Variants in SND1 observed in about 807,000 individuals in gnomAD.
SND1 encodes the protein staphylococcal nuclease domain-containing protein 1.
Under a neutral mutation model 121.7 loss-of-function variants are expected in SND1, and 38 were observed. The ratio of observed to expected loss-of-function variants is 0.31; its 90% confidence interval spans 0.24 to 0.41. SND1 has a LOEUF of 0.41. Ranked by LOEUF, SND1 falls within the 10% of genes least tolerant of loss-of-function variation. The pLI, the probability that SND1 is intolerant of heterozygous loss-of-function variation, is 1.00. For synonymous variants in SND1, 401 were observed against 447.4 expected, an observed-to-expected ratio of 0.90 and a Z score of 1.31; for missense variants, 868 against 1,184.6, an observed-to-expected ratio of 0.73 and a Z score of 3.92.
chr7:127,821,413 C>A (rs325445), intron 11 of SND1, among the ~76,000 whole-genome samples: 101,848 of 151,980 alleles, frequency 0.67, 35,022 homozygotes, highest in East Asian at 0.92. Flanking sequence ...TGTAATTCAC[C>A]TTTGGATTGG....
At chr7:127,983,040 C>T (rs1055634688) in intron 15 of SND1, among the ~76,000 whole-genome samples, 1 of 152,164 alleles carries the variant, frequency 6.6e-6, no homozygotes, top group Non-Finnish European at 1.5e-5. Flanking sequence ...ATATTGTTGG[C>T]GCTGAAGAAT....
intron 12 of SND1, among the ~76,000 whole-genome samples, chr7:127,872,288 C>T (rs375803895): frequency 6.6e-6 from 1 of 152,164 alleles, no homozygotes; most frequent in South Asian, 2.1e-4. Flanking sequence ...AACCCATATC[C>T]TCTGCTCTGT....
At chr7:127,946,674 G>A (rs1485523671) in intron 15 of SND1, among the ~76,000 whole-genome samples, 1 of 152,196 alleles carries the variant, frequency 6.6e-6, no homozygotes, top group Non-Finnish European at 1.5e-5. Flanking sequence ...AGATTTCCTG[G>A]ACTGTTGCAT....
At chr7:127,861,460 A>G (rs1047546683) in intron 12 of SND1, among the ~76,000 whole-genome samples, 3 of 151,950 alleles carry the variant, frequency 2.0e-5, no homozygotes, top group Non-Finnish European at 4.4e-5. Context: ...ACCTGGTGTC[A>G]TTCATTTGTT....
chr7:127,717,523 ATTG>A (rs913897579), intron 9 of SND1, among the ~76,000 whole-genome samples: 3 of 152,064 alleles, frequency 2.0e-5, no homozygotes, highest in African/African-American at 7.2e-5. Flanking sequence ...GCATCAGGAT[ATTG>A]TTGTGGTTTG....
intron 5 of SND1, among the ~76,000 whole-genome samples, chr7:127,701,753 C>G (rs886458914): frequency 2.0e-5 from 3 of 152,168 alleles, no homozygotes; most frequent in Non-Finnish European, 4.4e-5. Flanking sequence ...CAAAGATGCT[C>G]GAGTCCTTTA....
chr7:127,699,032 T>C, intron 4 of SND1, 79 bp downstream of exon 4: 2 of 1,147,436 alleles, frequency 1.7e-6, no homozygotes, highest in South Asian at 2.6e-5. Context: ...CCCCCAGACA[T>C]GGGTAACTGC....
At chr7:127,915,950 A>G (rs1328331298) in intron 14 of SND1, among the ~76,000 whole-genome samples, 3 of 151,970 alleles carry the variant, frequency 2.0e-5, no homozygotes, top group Non-Finnish European at 4.4e-5. Flanking sequence ...TATCTGAAGA[A>G]CAGTGAGAAA....
chr7:127,795,776 TA>T lies in SND1; in HGVS notation c.1153-11707del, dbSNP rs556678918. Among the ~76,000 whole-genome samples the T allele has an allele frequency of 1.2e-4, 18 of 152,298 alleles. No individual in the cohort carries two copies. In the East Asian group the frequency reaches 3.5e-3, roughly 29 times the overall value. ...AGAGTACTACTTTTTCATTAGCAAT[TA>T]CAAAGGGTCTAGGTTTTGCAGTTGT... On this transcript the variant is annotated intron_variant, in intron 10 of 23. Transcript: ENST00000354725.
chr7:127,925,914 CTTTTTTT>C (rs945882709), intron 14 of SND1, among the ~76,000 whole-genome samples: 1 of 145,106 alleles, frequency 6.9e-6, no homozygotes, highest in African/African-American at 2.5e-5. Flanking sequence ...TTTCTTTTTT[CTTTTTTT>C]TTTTAAGAGA....
intron 16 of SND1, chr7:128,032,221 C>G (rs888562950): frequency 6.7e-6 from 1 of 149,460 alleles, no homozygotes; most frequent in African/African-American, 2.4e-5. Context: ...CGCCTTCCAG[C>G]GCCGCGCCGG....
At chr7:127,968,696 A>G (rs552656473) in intron 15 of SND1, among the ~76,000 whole-genome samples, 1 of 152,332 alleles carries the variant, frequency 6.6e-6, no homozygotes, top group Admixed American at 6.5e-5. Flanking sequence ...ACAGGATGCA[A>G]TTGTGTTTCA....
chr7:127,988,195 C>T (rs17151629), intron 15 of SND1, among the ~76,000 whole-genome samples: 2,120 of 152,282 alleles, frequency 0.014, 47 homozygotes, highest in African/African-American at 0.048. Flanking sequence ...TAGCTCGGCT[C>T]GGCAAATTTC....
intron 15 of SND1, among the ~76,000 whole-genome samples, chr7:127,940,018 A>G (rs796700859): frequency 9.8e-5 from 15 of 152,286 alleles, no homozygotes; most frequent in African/African-American, 3.6e-4. Context: ...AGGCCAGTGG[A>G]GTAGTAGAGA....
chr7:127,975,654 G>A (rs1349728078), intron 15 of SND1, among the ~76,000 whole-genome samples: 1 of 152,152 alleles, frequency 6.6e-6, no homozygotes, highest in Non-Finnish European at 1.5e-5. Context: ...TACCAAAGTC[G>A]GCAGGATGGA....
intron 10 of SND1, among the ~76,000 whole-genome samples, chr7:127,796,640 T>C (rs952718162): frequency 1.3e-5 from 2 of 152,318 alleles, no homozygotes; most frequent in African/African-American, 4.8e-5. Context: ...ACATTTTTGC[T>C]CTTGTTAACA....
At chr7:127,710,747 G>T (rs535972854) in intron 9 of SND1, among the ~76,000 whole-genome samples, 4 of 152,090 alleles carry the variant, frequency 2.6e-5, no homozygotes, top group Non-Finnish European at 4.4e-5. Flanking sequence ...TAATTTTTCA[G>T]TTTAAGGGCA....
rs982148543 is a variant in SND1, at chr7:128,028,601, T to C, written c.1779+37545T>C. The C allele has an allele frequency of 3.7e-6, 5 of 1,346,192 alleles. No homozygotes were observed. The Admixed American group carries it at 1.1e-4, about 30-fold the overall frequency. 83.4% of individuals were successfully genotyped at this position (1,346,192 alleles called of 1,614,324 possible). ...ATATATAAGCATATACAAGAAAAAG[T>C]CTCTCCCCACTCTGTACAAAAGTTG... On this transcript the variant is annotated intron_variant, in intron 16 of 23. Transcript: ENST00000354725.
chr7:128,084,685 C>A lies in SND1; in HGVS notation c.2111-39C>A, dbSNP rs1205918653. On this transcript the variant is annotated intron_variant, in intron 18 of 23. Transcript: ENST00000354725. ...AAACCCTGCTGAGCCGTCGAGGAAC[C>A]CAGCACCCAGGTCTCACTGTGCTCT... 5.7e-6 allele frequency: 9 copies of A among 1,577,132 alleles called. No individual in the cohort carries two copies. In the Admixed American group the frequency reaches 1.0e-4, roughly 18 times the overall value.
Sources: gnomAD v4.1 joint callset for allele counts (sites outside exome capture counted in the v4.1 genomes callset) on GRCh38, gnomAD v4.1.1 for gene constraint, MANE v1.5 for transcripts, NCBI Gene and HGNC (gene_info 2026-07-23, HGNC 2026-07-21) for gene names.